The following TSHZ2 variants were observed in gnomAD, a reference collection of about 807,000 sequenced individuals.
TSHZ2 encodes the protein teashirt zinc finger homeobox 2.
TSHZ2 carries 21 observed loss-of-function variants against 74.4 expected under a neutral mutation model. The observed-to-expected ratio is 0.28, with a 90% CI of 0.20 to 0.41. The LOEUF (loss-of-function observed/expected upper bound fraction) is 0.41. Among genes scored for constraint, TSHZ2 ranks in the 10% least tolerant of loss-of-function variants. TSHZ2 has a pLI of 1.00. For missense variants in TSHZ2, 1,244 were observed against 1,293.5 expected, an observed-to-expected ratio of 0.96 and a Z score of 0.59; for synonymous variants, 540 against 515.3, an observed-to-expected ratio of 1.05 and a Z score of -0.65.
At chr20:53,067,140 G>A (rs1302891992) in intron 1 of TSHZ2, among the ~76,000 whole-genome samples, 3 of 152,202 alleles carry the variant, frequency 2.0e-5, no homozygotes, top group African/African-American at 7.2e-5. Context: ...AACGTGAATA[G>A]TTTGTCTTAT....
At chr20:52,979,410 T>C (rs138249762) in intron 1 of TSHZ2, among the ~76,000 whole-genome samples, 105 of 152,278 alleles carry the variant, frequency 6.9e-4, no homozygotes, top group Non-Finnish European at 1.3e-3. Context: ...AACTTGCACA[T>C]GAATGGGGAG....
intron 1 of TSHZ2, among the ~76,000 whole-genome samples, chr20:53,223,931 A>C (rs1045389041): frequency 1.1e-4 from 14 of 130,242 alleles, no homozygotes; most frequent in Admixed American, 3.9e-4. Context: ...ACACACACAC[A>C]CCCCTAAGTT....
At chr20:53,147,643 GT>G (rs1987574840) in intron 1 of TSHZ2, among the ~76,000 whole-genome samples, 1 of 152,182 alleles carries the variant, frequency 6.6e-6, no homozygotes, top group African/African-American at 2.4e-5. Context: ...CTTTTTGTTT[GT>G]TTTAAACCAA....
chr20:53,175,084 A>ATAGCTCCC lies in TSHZ2; in HGVS notation c.41-78413_41-78406dup, dbSNP rs1300403876. On this transcript the variant is annotated intron_variant, in intron 1 of 2. Coordinates refer to ENST00000371497, the MANE Select transcript of TSHZ2 (RefSeq NM_173485.6). ...CAAGAGGATGATTCCTGACTATGTT[A>ATAGCTCCC]TAGCTCCCTGGGCTTTTTCTTCTCC... is the stretch of plus-strand genomic sequence containing the variant. Among the ~76,000 whole-genome samples the ATAGCTCCC allele has an allele frequency of 2.2e-5, 3 of 138,418 alleles. No homozygotes were observed. In the Admixed American group the frequency reaches 2.2e-4, roughly 10 times the overall value. 90.8% of individuals were successfully genotyped at this position (138,418 alleles called of 152,430 possible). A position where few individuals can be genotyped will look rare whatever the true frequency, so the allele number is the denominator to read the frequency against.
At chr20:53,020,871 C>A (rs542056666) in intron 1 of TSHZ2, among the ~76,000 whole-genome samples, 1 of 152,348 alleles carries the variant, frequency 6.6e-6, no homozygotes, top group African/African-American at 2.4e-5. Flanking sequence ...CGGAAACAGA[C>A]CTGAACTCCA....
intron 1 of TSHZ2, among the ~76,000 whole-genome samples, chr20:53,160,745 CAAA>C (rs10653039): frequency 1.5e-4 from 14 of 95,798 alleles, no homozygotes; most frequent in African/African-American, 5.1e-4. Flanking sequence ...ACTCTGTCTC[CAAA>C]AAAAAAAAAA....
At chr20:53,443,154 T>C (rs1020936051) in intron 2 of TSHZ2, among the ~76,000 whole-genome samples, 1 of 152,192 alleles carries the variant, frequency 6.6e-6, no homozygotes, top group Non-Finnish European at 1.5e-5. Context: ...CACATTTTCT[T>C]GCCAGTATTT....
rs527291718 is a variant in TSHZ2, at chr20:53,034,165, C to T, written c.40+60832C>T. Among the ~76,000 whole-genome samples the T allele has an allele frequency of 3.9e-5, 6 of 152,210 alleles. No individual in the cohort carries two copies. In the South Asian group the frequency reaches 1.2e-3, roughly 32 times the overall value. ...ACACGTGGGAAACAATAGACAGAGA[C>T]TTGTGGGAGCATGGACTTTGAAGTC... On this transcript the variant is annotated intron_variant, in intron 1 of 2. Coordinates refer to ENST00000371497, the MANE Select transcript of TSHZ2 (RefSeq NM_173485.6).
chr20:53,133,518 A>T (rs1305636031), intron 1 of TSHZ2, among the ~76,000 whole-genome samples: 2 of 152,220 alleles, frequency 1.3e-5, no homozygotes, highest in African/African-American at 4.8e-5. Context: ...AAGAAAATCA[A>T]ACCGCCAGAA....
At chr20:53,031,171 T>A (rs892008712) in intron 1 of TSHZ2, among the ~76,000 whole-genome samples, 3 of 152,192 alleles carry the variant, frequency 2.0e-5, no homozygotes, top group Non-Finnish European at 4.4e-5. Context: ...CAAATCACCC[T>A]AGAAAGGATA....
intron 2 of TSHZ2, among the ~76,000 whole-genome samples, chr20:53,265,377 T>G (rs1015415795): frequency 6.6e-6 from 1 of 151,740 alleles, no homozygotes; most frequent in Non-Finnish European, 1.5e-5. Flanking sequence ...TTGAGGGGTG[T>G]TGGAGGTGAG....
chr20:53,400,084 C>T (rs1982602614), intron 2 of TSHZ2: 1 of 152,808 alleles, frequency 6.5e-6, no homozygotes, highest in African/African-American at 2.4e-5. Flanking sequence ...AGGCTGGCCA[C>T]TCACTGCGGA....
intron 1 of TSHZ2, among the ~76,000 whole-genome samples, chr20:53,022,189 A>T (rs1983268627): frequency 6.6e-6 from 1 of 152,226 alleles, no homozygotes; most frequent in Non-Finnish European, 1.5e-5. Context: ...ACAAGAAAGC[A>T]GATACATTCA....
chr20:53,481,747 T>C lies in TSHZ2; in HGVS notation c.*9-5397T>C, dbSNP rs1218405705. ...GGTGGGATCCAGGAGACTTCTCCAATAGAAATACTCCCATAGCTAAGTTTC... is the reference window on the plus strand; with the variant it reads ...GGTGGGATCCAGGAGACTTCTCCAACAGAAATACTCCCATAGCTAAGTTTC... On this transcript the variant is annotated intron_variant, in intron 2 of 2. Transcript: ENST00000371497. Among the ~76,000 whole-genome samples, 5 of 152,186 alleles carry C rather than the reference T, an allele frequency of 3.3e-5. No individual in the cohort carries two copies. In the East Asian group the frequency reaches 5.8e-4, roughly 18 times the overall value.
intron 1 of TSHZ2, among the ~76,000 whole-genome samples, chr20:53,205,722 A>G (rs1166093713): frequency 1.3e-5 from 2 of 152,188 alleles, no homozygotes; most frequent in Non-Finnish European, 2.9e-5. Flanking sequence ...GTCCCTGGGA[A>G]TGAATACTCC....
chr20:53,378,111 C>A (rs1401559276), intron 2 of TSHZ2, among the ~76,000 whole-genome samples: 1 of 152,160 alleles, frequency 6.6e-6, no homozygotes, highest in Admixed American at 6.5e-5. Flanking sequence ...GAGGCCGAGG[C>A]GGGCGATCAC....
intron 2 of TSHZ2, among the ~76,000 whole-genome samples, chr20:53,445,704 T>C (rs1425159943): frequency 1.3e-5 from 2 of 152,166 alleles, no homozygotes; most frequent in African/African-American, 4.8e-5. Flanking sequence ...CTGTGCAAAC[T>C]GGCCAGTCTC....
chr20:52,995,630 T>G (rs1982156323), intron 1 of TSHZ2, among the ~76,000 whole-genome samples: 1 of 123,408 alleles, frequency 8.1e-6, no homozygotes, highest in Non-Finnish European at 1.7e-5. Flanking sequence ...TTTTTTTTTT[T>G]GAGACATAGT....
chr20:53,466,155 G>A (rs1247515249), intron 2 of TSHZ2, among the ~76,000 whole-genome samples: 1 of 151,854 alleles, frequency 6.6e-6, no homozygotes, highest in African/African-American at 2.4e-5. Flanking sequence ...GCTGAGGCAG[G>A]AGAAATCACT....
Sources: gnomAD v4.1 joint callset for allele counts (sites outside exome capture counted in the v4.1 genomes callset) on GRCh38, gnomAD v4.1.1 for gene constraint, MANE v1.5 for transcripts, NCBI Gene and HGNC (gene_info 2026-07-23, HGNC 2026-07-21) for gene names.